DENND1A: variants seen among roughly 807,000 people sequenced by gnomAD.
DENND1A encodes the protein DENN domain-containing protein 1A.
DENND1A carries 51 observed loss-of-function variants against 113.7 expected under a neutral mutation model. That is an observed-to-expected ratio of 0.45 (90% CI 0.36 to 0.57). DENND1A has a LOEUF of 0.57. Ranked by LOEUF, DENND1A falls within the 20% of genes least tolerant of loss-of-function variation. The probability of loss-of-function intolerance (pLI) is 0.00; values close to 1 mark genes in which losing one functional copy is unlikely to be tolerated. For synonymous variants in DENND1A, 565 were observed against 570.8 expected (o/e 0.99, Z 0.14); for missense variants, 1,258 against 1,395.9 (o/e 0.90, Z 1.57).
intron 19 of DENND1A, chr9:123,437,557 T>A (rs2046618195): frequency 6.6e-6 from 1 of 152,170 alleles, no homozygotes; most frequent in Admixed American, 6.5e-5. Flanking sequence ...TTTTTTGAGG[T>A]TAAAATAGGT....
intron 22 of DENND1A, among the ~76,000 whole-genome samples, chr9:123,387,439 T>G (rs1296997740): frequency 6.6e-6 from 1 of 152,164 alleles, no homozygotes; most frequent in Non-Finnish European, 1.5e-5. Context: ...TAGTCACCAG[T>G]TCCACTAGCA....
At position 123,845,093 on chromosome 9, in the gene DENND1A, A is replaced by G. The variant is rs1052258393; in HGVS notation, c.88+33858T>C. 8.6e-5 allele frequency among the ~76,000 whole-genome samples: 13 copies of G among 151,862 alleles called. 1 individual carries two copies. The highest frequency in any genetic ancestry group is 8.5e-4 in the Admixed American group (13 of 15,238). ...AAATTAGCTGGGCATGCTGGCACGC[A>G]CCTGTAGTCCCAGCTACTCAGGAGG... On this transcript the variant is annotated intron_variant, in intron 2 of 23. Transcript: ENST00000394215.
intron 2 of DENND1A, among the ~76,000 whole-genome samples, chr9:123,836,141 T>G (rs767247729): frequency 6.6e-6 from 1 of 152,172 alleles, no homozygotes; most frequent in Non-Finnish European, 1.5e-5. Flanking sequence ...TATTGACAAT[T>G]AGATAAACAA....
At chr9:123,512,845 C>A (rs1588920772) in intron 13 of DENND1A, among the ~76,000 whole-genome samples, 1 of 152,170 alleles carries the variant, frequency 6.6e-6, no homozygotes, top group Admixed American at 6.5e-5. Flanking sequence ...GTTTCCTAAG[C>A]TGGAAAATGG....
At chr9:123,896,179 G>C (rs992219572) in intron 1 of DENND1A, among the ~76,000 whole-genome samples, 3 of 152,072 alleles carry the variant, frequency 2.0e-5, no homozygotes, top group African/African-American at 7.2e-5. Flanking sequence ...GGGCATGGTG[G>C]TACACGCCTG....
At chr9:123,900,252 C>A (rs1463618193) in intron 1 of DENND1A, among the ~76,000 whole-genome samples, 1 of 152,160 alleles carries the variant, frequency 6.6e-6, no homozygotes, top group Non-Finnish European at 1.5e-5. Context: ...GAAACCCAGT[C>A]AACACCAAAC....
intron 18 of DENND1A, among the ~76,000 whole-genome samples, 187 bp from the exon 19 acceptor site, chr9:123,440,678 A>G (rs746991898): frequency 1.3e-5 from 2 of 152,274 alleles, no homozygotes; most frequent in Admixed American, 6.5e-5. Flanking sequence ...AGAAACCCAA[A>G]CCATCCATGT....
At chr9:123,522,800 T>C (rs372638864) in intron 13 of DENND1A, among the ~76,000 whole-genome samples, 2 of 152,148 alleles carry the variant, frequency 1.3e-5, no homozygotes, top group African/African-American at 4.8e-5. Flanking sequence ...TATATCTGCA[T>C]TGGAAACATG....
chr9:123,451,670 C>T (rs1049962023), intron 17 of DENND1A, among the ~76,000 whole-genome samples: 2 of 152,192 alleles, frequency 1.3e-5, no homozygotes, highest in Non-Finnish European at 2.9e-5. Context: ...GACCATGCTT[C>T]CGGGTCTCAG....
chr9:123,768,806 A>G, intron 4 of DENND1A, among the ~76,000 whole-genome samples: 1 of 143,824 alleles, frequency 7.0e-6, no homozygotes, highest in South Asian at 2.1e-4. Flanking sequence ...AGTAAAAAAA[A>G]AAAACTCCTC....
At chr9:123,574,587 A>G (rs1194533679) in intron 12 of DENND1A, among the ~76,000 whole-genome samples, 1 of 152,172 alleles carries the variant, frequency 6.6e-6, no homozygotes, top group Non-Finnish European at 1.5e-5. Context: ...TACAAAGAGG[A>G]CCCATATTCT....
intron 5 of DENND1A, among the ~76,000 whole-genome samples, chr9:123,755,978 T>C (rs1174374844): frequency 1.3e-5 from 2 of 152,190 alleles, no homozygotes; most frequent in Non-Finnish European, 2.9e-5. Flanking sequence ...TGGCACGATC[T>C]TGGCTCACTG....
At chr9:123,694,970 G>A (rs1442411955) in intron 5 of DENND1A, among the ~76,000 whole-genome samples, 1 of 152,148 alleles carries the variant, frequency 6.6e-6, no homozygotes, top group African/African-American at 2.4e-5. Context: ...AATCTGGTGG[G>A]CACCATCTAA....
chr9:123,790,872 A>G (rs778043409), intron 3 of DENND1A, among the ~76,000 whole-genome samples: 5 of 152,176 alleles, frequency 3.3e-5, no homozygotes, highest in Admixed American at 6.5e-5. Context: ...TGGAAAGCTA[A>G]ACACCAAATT....
chr9:123,788,267 T>C (rs7860023), intron 3 of DENND1A, among the ~76,000 whole-genome samples: 11,801 of 152,144 alleles, frequency 0.078, 917 homozygotes, highest in African/African-American at 0.2. Flanking sequence ...AGACTATTTA[T>C]GGAAATCTCT....
intron 5 of DENND1A, among the ~76,000 whole-genome samples, chr9:123,743,239 T>C (rs1420468760): frequency 2.6e-5 from 4 of 151,754 alleles, no homozygotes; most frequent in Admixed American, 2.6e-4. Flanking sequence ...ACCCTGTCTC[T>C]ACTAAAAATA....
At chr9:123,426,452 A>G (rs557611052) in intron 19 of DENND1A, among the ~76,000 whole-genome samples, 1 of 152,334 alleles carries the variant, frequency 6.6e-6, no homozygotes, top group South Asian at 2.1e-4. Context: ...GGAATGAGCT[A>G]GAAACAGAAA....
intron 1 of DENND1A, among the ~76,000 whole-genome samples, chr9:123,916,435 C>A (rs1405226085): frequency 6.8e-6 from 1 of 146,764 alleles, no homozygotes; most frequent in African/African-American, 2.6e-5. Flanking sequence ...TACAATGGCA[C>A]AATCTCGGCT....
intron 5 of DENND1A, among the ~76,000 whole-genome samples, chr9:123,745,211 C>T (rs562811103): frequency 2.8e-4 from 43 of 152,078 alleles, no homozygotes; most frequent in Non-Finnish European, 6.2e-4. Flanking sequence ...GACACTAGAC[C>T]ACACTCTTAT....
Sources: gnomAD v4.1 joint callset for allele counts (sites outside exome capture counted in the v4.1 genomes callset) on GRCh38, gnomAD v4.1.1 for gene constraint, MANE v1.5 for transcripts, NCBI Gene and HGNC (gene_info 2026-07-23, HGNC 2026-07-21) for gene names.